Variants in DLC1 observed in about 807,000 individuals in gnomAD.
DLC1 encodes rho GTPase-activating protein 7.
In DLC1, 54 loss-of-function variants were observed where a neutral mutation model predicts 140.3. That is an observed-to-expected ratio of 0.38 (90% confidence interval 0.31 to 0.48). The LOEUF is 0.48. Ranked by LOEUF, DLC1 falls within the 20% of genes least tolerant of loss-of-function variation. The pLI is 0.96. For synonymous variants in DLC1, 986 were observed against 728.1 expected (o/e 1.35, Z -5.70); for missense variants, 2,536 against 1,907.0 (o/e 1.33, Z -6.14).
chr8:13,163,566 G>A (rs1335516956), intron 5 of DLC1, among the ~76,000 whole-genome samples: 1 of 152,146 alleles, frequency 6.6e-6, no homozygotes, highest in African/African-American at 2.4e-5. Context: ...GGAAGAGAAC[G>A]AGTAGTGATA....
chr8:13,525,126 A>G (rs1802879416), intron 1 of DLC1, among the ~76,000 whole-genome samples: 1 of 152,156 alleles, frequency 6.6e-6, no homozygotes, highest in Admixed American at 6.6e-5. Context: ...TTCACTTAGC[A>G]TAATTATTTT....
At chr8:13,560,173 A>G (rs1233011572) in intron 1 of DLC1, among the ~76,000 whole-genome samples, 1 of 152,184 alleles carries the variant, frequency 6.6e-6, no homozygotes, top group Admixed American at 6.5e-5. Context: ...TATAGAACCT[A>G]CATTTGTTTT....
chr8:13,525,327 A>G (rs1421273405), intron 1 of DLC1, among the ~76,000 whole-genome samples: 1 of 152,218 alleles, frequency 6.6e-6, no homozygotes, highest in Admixed American at 6.5e-5. Flanking sequence ...CATTGTATGT[A>G]TACATTCTTT....
chr8:13,321,794 G>A (rs911328096), intron 4 of DLC1, among the ~76,000 whole-genome samples: 1 of 152,020 alleles, frequency 6.6e-6, no homozygotes, highest in Non-Finnish European at 1.5e-5. Flanking sequence ...GCTGTTATTT[G>A]CAGGCTGTCT....
chr8:13,110,474 G>C (rs1291515210), intron 7 of DLC1, among the ~76,000 whole-genome samples: 1 of 152,106 alleles, frequency 6.6e-6, no homozygotes, highest in Non-Finnish European at 1.5e-5. Context: ...AACCACCTGA[G>C]AGTTGTTACT....
At chr8:13,443,657 C>CAAAAAAAAAAAAAAAAA (rs11321891) in intron 2 of DLC1, among the ~76,000 whole-genome samples, 1 of 67,016 alleles carries the variant, frequency 1.5e-5, no homozygotes, top group African/African-American at 4.6e-5. Context: ...GACTCCGTCT[C>CAAAAAAAAAAAAAAAAA]AAAAAAAAAA....
At chr8:13,352,306 A>C (rs564386467) in intron 4 of DLC1, among the ~76,000 whole-genome samples, 1 of 152,226 alleles carries the variant, frequency 6.6e-6, no homozygotes, top group Non-Finnish European at 1.5e-5. Context: ...CCTTTGATCC[A>C]TTCAGCTTCA....
intron 5 of DLC1, among the ~76,000 whole-genome samples, chr8:13,178,650 G>C (rs1825879108): frequency 1.3e-5 from 1 of 77,018 alleles, no homozygotes; most frequent in Admixed American, 1.3e-4. Flanking sequence ...AGTGGAAGAA[G>C]GTTTTTTTTT....
intron 2 of DLC1, 170 bp downstream of exon 2, chr8:13,498,879 T>G: frequency 1.5e-6 from 1 of 659,918 alleles, no homozygotes; most frequent in South Asian, 2.9e-5. Flanking sequence ...TTCTTTAATT[T>G]TTACATATTT....
intron 5 of DLC1, chr8:13,133,218 C>A (rs1822271234): frequency 7.0e-7 from 1 of 1,418,892 alleles, no homozygotes; most frequent in Non-Finnish European, 9.2e-7. Context: ...AGCCGGCGCT[C>A]CTGATGCGGA....
At chr8:13,586,626 C>CACACACACACACA (rs1805327799) in intron 1 of DLC1, among the ~76,000 whole-genome samples, 1 of 144,584 alleles carries the variant, frequency 6.9e-6, no homozygotes, top group South Asian at 2.2e-4. Flanking sequence ...CACACACACA[C>CACACACACACACA]CTGCATGTAA....
rs114575829 is a variant in DLC1, at chr8:13,305,055, T to A, written c.1348+214A>T. 3.9e-4 allele frequency: 465 copies of A among 1,198,356 alleles called. 6 individuals are homozygous for A. The African/African-American group carries it at 6.5e-3, about 17-fold the overall frequency. 74.2% of individuals were successfully genotyped at this position (1,198,356 alleles called of 1,614,324 possible). ...TACAAGGAAGACCCCAAGAAACACA[T>A]ATCTTATTCTAACACAATGTCATTA... On this transcript the variant is annotated intron_variant, in intron 5 of 17. Coordinates refer to ENST00000276297, the MANE Select transcript of DLC1 (RefSeq NM_182643.3).
At chr8:13,595,053 C>A (rs565694603) in intron 1 of DLC1, among the ~76,000 whole-genome samples, 1 of 151,868 alleles carries the variant, frequency 6.6e-6, no homozygotes, top group Non-Finnish European at 1.5e-5. Flanking sequence ...GGATCACACA[C>A]CGCAGTTTTC....
intron 4 of DLC1, among the ~76,000 whole-genome samples, chr8:13,343,504 C>G (rs562103634): frequency 6.6e-6 from 1 of 152,192 alleles, no homozygotes; most frequent in Non-Finnish European, 1.5e-5. Context: ...TGATTGTCTA[C>G]TCTGCACAAG....
chr8:13,085,461 C>T lies in DLC1; in HGVS notation c.*350G>A, dbSNP rs183085757. On this transcript the variant is annotated 3_prime_UTR_variant, in exon 18 of 18. Transcript: ENST00000276297. ...GTCCCTCAACACACTGCAAATAAAGCGACACAGGTACGCATACACTGATAT... is the reference window on the plus strand; with the variant it reads ...GTCCCTCAACACACTGCAAATAAAGTGACACAGGTACGCATACACTGATAT... 27 of 173,758 alleles carry T rather than the reference C, an allele frequency of 1.6e-4. No individual in the cohort carries two copies. The highest frequency in any genetic ancestry group is 1.5e-4 in the South Asian group (1 of 6,480). 10.8% of individuals were successfully genotyped at this position (173,758 alleles called of 1,614,324 possible).
At chr8:13,154,922 T>TA (rs1357429728) in intron 5 of DLC1, among the ~76,000 whole-genome samples, 2 of 152,184 alleles carry the variant, frequency 1.3e-5, no homozygotes, top group Non-Finnish European at 2.9e-5. Context: ...TTTATAAATT[T>TA]AAAAAACTTA....
At chr8:13,459,956 C>G (rs77234078) in intron 2 of DLC1, among the ~76,000 whole-genome samples, 1 of 151,998 alleles carries the variant, frequency 6.6e-6, no homozygotes, top group Non-Finnish European at 1.5e-5. Flanking sequence ...CGGGAAGGAC[C>G]TCCTGGTTCT....
chr8:13,299,251 C>G (rs189559292), intron 5 of DLC1, among the ~76,000 whole-genome samples: 1 of 151,454 alleles, frequency 6.6e-6, no homozygotes, highest in Non-Finnish European at 1.5e-5. Context: ...AAGACCAGCC[C>G]AGCCAACATA....
In DLC1 at chr8:13,499,870, A is replaced by T. The variant is rs138468563; in HGVS notation, c.202T>A (p.Ser68Thr). The T allele has an allele frequency of 2.5e-5, 40 of 1,613,974 alleles. No homozygotes were observed. Among genetic ancestry groups the T allele is most frequent in the Non-Finnish European group, 3.1e-5 (36 of 1,180,010 alleles). ...CTCCCAGGAAAATCTCTCAGCTCTG[A>T]TCCATGACAGCAGTCAGGTAGTGAA... ...CVSLPDCCHG[S>T]ELRDFPGRPM... Residue 68 changes from serine to threonine, a missense_variant, in exon 2 of 18, where the codon TCA becomes ACA. By Grantham distance (58) the Ser-to-Thr change is moderately conservative. Transcript: ENST00000276297.
Sources: allele counts gnomAD v4.1 joint callset (sites outside exome capture counted in the v4.1 genomes callset), GRCh38; gene constraint gnomAD v4.1.1; transcripts MANE v1.5; gene names NCBI Gene and HGNC (gene_info 2026-07-23, HGNC 2026-07-21).